Variants in IQSEC1 observed in about 807,000 individuals in gnomAD.
The protein encoded by IQSEC1 is IQ motif and SEC7 domain-containing protein 1.
IQSEC1 carries 31 observed loss-of-function variants against 91.0 expected under a neutral mutation model. The ratio of observed to expected loss-of-function variants is 0.34; its 90% CI spans 0.26 to 0.46. IQSEC1 has a LOEUF of 0.46. Among genes scored for constraint, IQSEC1 ranks in the 20% least tolerant of loss-of-function variants. The pLI, the probability that IQSEC1 is intolerant of heterozygous loss-of-function variation, is 1.00. For synonymous variants in IQSEC1, 699 were observed against 662.6 expected (o/e 1.05, Z -0.84); for missense variants, 1,388 against 1,575.6 (o/e 0.88, Z 2.02).
intron 1 of IQSEC1, among the ~76,000 whole-genome samples, chr3:13,171,484 T>G (rs1187117827): frequency 6.6e-6 from 1 of 152,074 alleles, no homozygotes; most frequent in Non-Finnish European, 1.5e-5. Flanking sequence ...CCCACAGACC[T>G]GATCAGCCCC....
intron 1 of IQSEC1, among the ~76,000 whole-genome samples, chr3:13,239,070 A>G (rs569113096): frequency 7.9e-4 from 121 of 152,246 alleles, no homozygotes; most frequent in African/African-American, 2.8e-3. Context: ...CTCCCTGTGA[A>G]TCTCCCCTGC....
At chr3:12,921,488 C>T (rs1333757538) in intron 5 of IQSEC1, among the ~76,000 whole-genome samples, 2 of 152,238 alleles carry the variant, frequency 1.3e-5, no homozygotes, top group Non-Finnish European at 1.5e-5. Context: ...TGGATGACTG[C>T]GTAGTGACCG....
At chr3:13,270,353 T>C (rs1175755958) in intron 1 of IQSEC1, among the ~76,000 whole-genome samples, 1 of 152,234 alleles carries the variant, frequency 6.6e-6, no homozygotes, top group Non-Finnish European at 1.5e-5. Context: ...CAATACATAT[T>C]CATTAAAACC....
rs759591010 is a variant in IQSEC1, at chr3:12,936,552, C to T, written c.464G>A (p.Arg155Gln). The change falls in exon 3 of 14, where the codon CGG becomes CAG. Residue 155 changes from arginine to glutamine, a missense_variant. Physicochemically the swap from Arg to Gln is conservative, Grantham distance 43 (BLOSUM62 1). Around this residue, in one of 2 missense-constraint regions of IQSEC1, gnomAD observed 1,059 missense variants for 1,317.8 expected, o/e 0.80. Transcript: ENST00000613206. ...CATCCTCATGTTGGACAGCACAATC[C>T]GGCGTGACATGCGGTTCTCTGACAT... is the stretch of plus-strand genomic sequence containing the variant. ...SSMSENRMSRRIVLSNMRMQF... is the reference protein window; with the variant it reads ...SSMSENRMSRQIVLSNMRMQF... The T allele has an allele frequency of 2.5e-6, 4 of 1,613,440 alleles. No homozygotes were observed. The highest frequency in any genetic ancestry group is 2.2e-5 in the South Asian group (2 of 91,090).
At chr3:13,196,260 G>A in intron 1 of IQSEC1, among the ~76,000 whole-genome samples, 1 of 152,176 alleles carries the variant, frequency 6.6e-6, no homozygotes, top group Non-Finnish European at 1.5e-5. Context: ...TAGTGACAGA[G>A]CCTTCAGGTG....
At chr3:13,196,740 ATGTGTGTGCG>A (rs1017942391) in intron 1 of IQSEC1, among the ~76,000 whole-genome samples, 4 of 130,396 alleles carry the variant, frequency 3.1e-5, no homozygotes, top group East Asian at 2.3e-4. Flanking sequence ...GTGTATGTAC[ATGTGTGTGCG>A]TGTGTGTGTG....
chr3:13,133,496 C>A (rs572211172), intron 2 of IQSEC1, among the ~76,000 whole-genome samples: 1 of 152,298 alleles, frequency 6.6e-6, no homozygotes, highest in African/African-American at 2.4e-5. Context: ...ACTGAACAAA[C>A]CTGCAGCATC....
At chr3:13,196,517 T>C (rs3864037) in intron 1 of IQSEC1, among the ~76,000 whole-genome samples, 16,421 of 152,230 alleles carry the variant, frequency 0.11, 1,866 homozygotes, top group East Asian at 0.3. Context: ...CTCCTGTCAC[T>C]GCAGCATTTC....
chr3:12,923,710 C>T (rs955352795), intron 4 of IQSEC1, among the ~76,000 whole-genome samples: 9 of 152,212 alleles, frequency 5.9e-5, no homozygotes, highest in South Asian at 2.1e-4. Flanking sequence ...AGATGGCAGG[C>T]GTACTGGCCA....
At chr3:13,016,976 G>A (rs1189818164) in intron 1 of IQSEC1, among the ~76,000 whole-genome samples, 1 of 152,148 alleles carries the variant, frequency 6.6e-6, no homozygotes, top group Admixed American at 6.5e-5. Flanking sequence ...GGGACCATAC[G>A]CTCTGTGGTC....
In IQSEC1 at chr3:12,908,516, T is replaced by C. The variant is rs747265961; in HGVS notation, c.2588A>G (p.Glu863Gly). 6.2e-7 allele frequency: 1 copy of C among 1,613,576 alleles called. No individual in the cohort carries two copies. Among genetic ancestry groups the C allele is most frequent in the Non-Finnish European group, 8.5e-7 (1 of 1,180,024 alleles). Residue 863 changes from glutamate (E) to glycine (G), a missense_variant, in exon 12 of 14, where the codon GAG (glutamate) becomes GGG (glycine). Glu to Gly is a moderately conservative substitution (Grantham distance 98). Transcript: ENST00000613206. This position sits in a 1 kb window ranked among gnomAD's most constrained non-coding sequence, Gnocchi z 4.9. ...MEKHRIESEL[E>G]KQKGVVRPSM... Reference sequence around the variant, plus strand: ...GGGCCGCACGACGCCTTTCTGCTTCTCGAGCTCCGCTGGAACAGAGAGGGT... The same window carrying C: ...GGGCCGCACGACGCCTTTCTGCTTCCCGAGCTCCGCTGGAACAGAGAGGGT...
chr3:12,956,188 C>T (rs1010082282), intron 1 of IQSEC1, among the ~76,000 whole-genome samples: 14 of 152,170 alleles, frequency 9.2e-5, no homozygotes, highest in Admixed American at 1.3e-4. Flanking sequence ...CACTCCTTAT[C>T]GCCCACCCAC....
chr3:13,132,966 A>G lies in IQSEC1; in HGVS notation c.302+31138T>C, dbSNP rs527463434. ...TAGGGAGGGGGTTGAAGCTGTGTTT[A>G]AAGATAAGAAAATGAGACATATTTC... is the stretch of plus-strand genomic sequence containing the variant. On this transcript the variant is annotated intron_variant, in intron 2 of 15. Transcript: ENST00000648114. Among the ~76,000 whole-genome samples, 7 of 152,362 alleles carry G rather than the reference A, an allele frequency of 4.6e-5. No homozygotes were observed. In the South Asian group the frequency reaches 1.2e-3, roughly 27 times the overall value.
intron 2 of IQSEC1, among the ~76,000 whole-genome samples, chr3:12,939,196 T>G (rs1698522291): frequency 6.6e-6 from 1 of 152,258 alleles, no homozygotes; most frequent in Admixed American, 6.5e-5. Flanking sequence ...GGGAAGCCGC[T>G]GCCCCAGGGC....
rs1702152888 is a variant in IQSEC1, at chr3:12,994,652, G to A, written c.24-52787C>T. ...CCGCCGCCGTCCCCAGTTCGCAGAT[G>A]GGAACACTGAGGCCCACAGCAGGGA... On this transcript the variant is annotated intron_variant, in intron 1 of 13. Coordinates refer to ENST00000613206, the MANE Select transcript of IQSEC1 (RefSeq NM_001134382.3). This position sits in a 1 kb window ranked among gnomAD's most constrained non-coding sequence, Gnocchi z 4.5. 6.6e-6 allele frequency among the ~76,000 whole-genome samples: 1 copy of A among 152,222 alleles called. No individual in the cohort carries two copies. The highest frequency in any genetic ancestry group is 2.1e-4 in the South Asian group (1 of 4,832).
chr3:13,020,992 CCA>C (rs1262465907), intron 1 of IQSEC1, among the ~76,000 whole-genome samples: 3 of 152,208 alleles, frequency 2.0e-5, no homozygotes, highest in African/African-American at 7.2e-5. Context: ...AGTTTATACA[CCA>C]GAGAGTGAGG....
At chr3:12,955,330 T>TGCCGGGCTGG (rs1321656339) in intron 1 of IQSEC1, among the ~76,000 whole-genome samples, 5 of 152,212 alleles carry the variant, frequency 3.3e-5, no homozygotes, top group African/African-American at 1.2e-4. Context: ...CCAGGAGGCC[T>TGCCGGGCTGG]GCCGGGCTGG....
intron 1 of IQSEC1, among the ~76,000 whole-genome samples, chr3:12,943,536 A>G (rs1364428290): frequency 1.3e-5 from 2 of 152,096 alleles, no homozygotes; most frequent in East Asian, 3.9e-4. Context: ...CTCTGCTCCC[A>G]CGGGCCGGGG....
chr3:13,049,743 T>C (rs1010100874), intron 1 of IQSEC1, among the ~76,000 whole-genome samples: 2 of 152,090 alleles, frequency 1.3e-5, no homozygotes, highest in African/African-American at 4.8e-5. Flanking sequence ...TTCCTAATAA[T>C]AGCAAATATT....
Sources: gnomAD v4.1 joint callset for allele counts (sites outside exome capture counted in the v4.1 genomes callset) on GRCh38, gnomAD v4.1.1 for gene constraint, gnomAD v4.1.1 regional missense constraint, Gnocchi (gnomAD v3.1) non-coding constraint, MANE v1.5 for transcripts, NCBI Gene and HGNC (gene_info 2026-07-23, HGNC 2026-07-21) for gene names.